COL21A1: variants seen among roughly 807,000 people sequenced by gnomAD.
COL21A1 encodes collagen type XXI alpha 1 chain, also known as collagen alpha-1(XXI) chain.
Under a neutral mutation model 137.9 loss-of-function variants are expected in COL21A1, and 149 were observed. The observed-to-expected ratio is 1.08, with a 90% CI of 0.95 to 1.24. The LOEUF is 1.24. COL21A1 is among the 50% of genes most tolerant of loss of function. The probability of loss-of-function intolerance (pLI) is 0.00; values close to 1 mark genes in which losing one functional copy is unlikely to be tolerated. For synonymous variants in COL21A1, 456 were observed against 391.5 expected, an observed-to-expected ratio of 1.16 and a Z score of -1.95; for missense variants, 1,167 against 1,158.4, an observed-to-expected ratio of 1.01 and a Z score of -0.11.
intron 17 of COL21A1, among the ~76,000 whole-genome samples, chr6:56,098,538 TAAATATATAAATATATATAA>T (rs1769967167): frequency 1.1e-4 from 2 of 17,624 alleles, no homozygotes; most frequent in African/African-American, 5.8e-4. Flanking sequence ...AATATATATA[TAAATATATAAATATATATAA>T]ATATATAAAT....
At chr6:56,284,093 G>A (rs1275055269) in intron 1 of COL21A1, among the ~76,000 whole-genome samples, 1 of 152,172 alleles carries the variant, frequency 6.6e-6, no homozygotes, top group Non-Finnish European at 1.5e-5. Context: ...TGTCACCCAG[G>A]CTGTAGTGCA....
At chr6:56,121,399 A>T (rs2152206587) in intron 16 of COL21A1, among the ~76,000 whole-genome samples, 1 of 151,542 alleles carries the variant, frequency 6.6e-6, no homozygotes, top group East Asian at 1.9e-4. Context: ...AAGGATCAAA[A>T]GGTAGAGCCC....
intron 1 of COL21A1, among the ~76,000 whole-genome samples, chr6:56,367,912 T>C (rs2152349618): frequency 6.6e-6 from 1 of 152,234 alleles, no homozygotes; most frequent in East Asian, 1.9e-4. Flanking sequence ...TGGAGTTTCC[T>C]TATGTTGCCC....
At chr6:56,097,846 AAT>A (rs67546831) in intron 17 of COL21A1, among the ~76,000 whole-genome samples, 15,717 of 41,872 alleles carry the variant, frequency 0.38, 4,071 homozygotes, top group East Asian at 0.73. Flanking sequence ...TAAATATATA[AAT>A]ATATATAAAT....
At chr6:56,098,520 A>C (rs1304193429) in intron 17 of COL21A1, among the ~76,000 whole-genome samples, 12 of 7,184 alleles carry the variant, frequency 1.7e-3, no homozygotes, top group Admixed American at 2.4e-3. Flanking sequence ...TATATATATA[A>C]ATATATAAAT....
At chr6:56,175,594 G>T (rs923869746) in intron 3 of COL21A1, among the ~76,000 whole-genome samples, 3 of 152,016 alleles carry the variant, frequency 2.0e-5, no homozygotes, top group African/African-American at 7.2e-5. Flanking sequence ...TCAAAAACTT[G>T]TACACTGAAA....
chr6:56,346,751 G>T (rs561416599), intron 1 of COL21A1, among the ~76,000 whole-genome samples: 1 of 152,136 alleles, frequency 6.6e-6, no homozygotes, highest in South Asian at 2.1e-4. Context: ...ACCTCCCAGT[G>T]AGAGCTGTAC....
At chr6:56,164,949 AAATATTTCCCTGC>A in intron 7 of COL21A1, 127 bp from the exon 8 acceptor site, 2 of 680,586 alleles carry the variant, frequency 2.9e-6, no homozygotes, top group East Asian at 5.8e-5. Flanking sequence ...ACAAAAACCA[AAATATTTCCCTGC>A]ATTTATCCTA....
At chr6:56,254,775 T>G (rs1422853300) in intron 1 of COL21A1, among the ~76,000 whole-genome samples, 1 of 152,238 alleles carries the variant, frequency 6.6e-6, no homozygotes, top group Non-Finnish European at 1.5e-5. Flanking sequence ...GTCCTCGATT[T>G]CTTCAAGTGC....
intron 1 of COL21A1, among the ~76,000 whole-genome samples, chr6:56,393,683 C>T (rs1426553528): frequency 6.6e-6 from 1 of 152,178 alleles, no homozygotes; most frequent in Non-Finnish European, 1.5e-5. Flanking sequence ...CTGAAAGAAA[C>T]CACAGGCCCT....
rs142754428 is a variant in COL21A1, at chr6:56,219,072, C to T, written c.-39+28315G>A. Reference sequence around the variant, plus strand: ...TCGTTTTGAAGTGTCATCTCCTATTCTATGCAACAACAATGAACCAGTTCT... The same window carrying T: ...TCGTTTTGAAGTGTCATCTCCTATTTTATGCAACAACAATGAACCAGTTCT... On this transcript the variant is annotated intron_variant, in intron 1 of 29. Transcript: ENST00000244728. Among the ~76,000 whole-genome samples the T allele has an allele frequency of 4.0e-3, 614 of 152,018 alleles. 5 individuals carry two copies. The highest frequency in any genetic ancestry group is 0.031 in the Middle Eastern group (9 of 294).
intron 1 of COL21A1, among the ~76,000 whole-genome samples, chr6:56,391,497 G>A (rs1023241434): frequency 1.1e-4 from 16 of 151,868 alleles, no homozygotes; most frequent in Non-Finnish European, 1.8e-4. Flanking sequence ...AAAATGAAAA[G>A]TTTTTTAAAA....
At chr6:56,222,108 AC>A (rs1370080584) in intron 1 of COL21A1, among the ~76,000 whole-genome samples, 2 of 152,032 alleles carry the variant, frequency 1.3e-5, no homozygotes, top group African/African-American at 4.8e-5. Context: ...CCCCATCTCT[AC>A]TAAAAATACA....
rs1582223276 is a variant in COL21A1, at chr6:56,064,748, T to C, written c.2128-126A>G. On this transcript the variant is annotated intron_variant, in intron 23 of 29. Transcript: ENST00000244728. ...TAACAAAAGCAGCGATACAAATATA[T>C]AAATTATGTGAGAGATGGGAAAATC... The C allele has an allele frequency of 1.1e-5, 6 of 532,062 alleles. No homozygotes were observed. The East Asian group carries it at 2.0e-4, about 18-fold the overall frequency. 33.0% of individuals were successfully genotyped at this position (532,062 alleles called of 1,614,324 possible).
intron 10 of COL21A1, among the ~76,000 whole-genome samples, chr6:56,142,510 C>G (rs1162789545): frequency 6.6e-6 from 1 of 152,188 alleles, no homozygotes; most frequent in Non-Finnish European, 1.5e-5. Flanking sequence ...TCCCCCAAAG[C>G]TGGGCTGTTT....
chr6:56,121,782 AT>A (rs1423110047), intron 16 of COL21A1, among the ~76,000 whole-genome samples: 11 of 151,788 alleles, frequency 7.2e-5, no homozygotes, highest in Non-Finnish European at 1.5e-4. Context: ...TTTCCATTCA[AT>A]TTTGCTATAA....
At chr6:56,337,733 T>C (rs1031175819) in intron 1 of COL21A1, among the ~76,000 whole-genome samples, 4 of 152,240 alleles carry the variant, frequency 2.6e-5, no homozygotes, top group Non-Finnish European at 4.4e-5. Context: ...TTCCTTTCTC[T>C]TCATAGGCTG....
At position 56,340,821 on chromosome 6, in the gene COL21A1, C is replaced by G. The variant is rs112681605; in HGVS notation, c.-39+53150G>C. 2.8e-3 allele frequency among the ~76,000 whole-genome samples: 432 copies of G among 152,204 alleles called. 1 individual carries two copies. Among genetic ancestry groups the G allele is most frequent in the African/African-American group, 0.01 (419 of 41,528 alleles). ...GGGTTGGATTCCAGTCTAAAATTAC[C>G]TGCATATTTTTCCATGAGGAGTTGT... is the stretch of plus-strand genomic sequence containing the variant. On this transcript the variant is annotated intron_variant, in intron 1 of 28. Coordinates refer to the COL21A1 transcript ENST00000370819.
At position 56,137,374 on chromosome 6, in the gene COL21A1, C is replaced by T. The variant is rs192587113; in HGVS notation, c.1542+4411G>A. Reference sequence around the variant, plus strand: ...CATAAAGTTTTGTACAGATCCGTGGCTTCTTTTCCTCTCAGAAAAAATAAA... The same window carrying T: ...CATAAAGTTTTGTACAGATCCGTGGTTTCTTTTCCTCTCAGAAAAAATAAA... On this transcript the variant is annotated intron_variant, in intron 12 of 29. Coordinates refer to ENST00000244728, the MANE Select transcript of COL21A1 (RefSeq NM_030820.4). 1.3e-3 allele frequency among the ~76,000 whole-genome samples: 196 copies of T among 152,244 alleles called. 4 individuals are homozygous for T. Among genetic ancestry groups the T allele is most frequent in the African/African-American group, 4.4e-3 (182 of 41,558 alleles).
Sources: gnomAD v4.1 joint callset for allele counts (sites outside exome capture counted in the v4.1 genomes callset) on GRCh38, gnomAD v4.1.1 for gene constraint, MANE v1.5 for transcripts, NCBI Gene and HGNC (gene_info 2026-07-23, HGNC 2026-07-21) for gene names.